MYO9B: variants seen among roughly 807,000 people sequenced by gnomAD.
MYO9B encodes myosin IXB, also known as unconventional myosin-IXb.
A neutral mutation model predicts 229.5 loss-of-function variants in MYO9B; 71 were observed. The observed-to-expected ratio is 0.31, with a 90% CI of 0.26 to 0.38. The LOEUF is 0.38. MYO9B is among the 10% of genes least tolerant of loss of function. The pLI is 1.00. For synonymous variants in MYO9B, 1,185 were observed against 1,235.8 expected (o/e 0.96, Z 0.86); for missense variants, 2,255 against 2,920.5 (o/e 0.77, Z 5.25).
At chr19:17,199,761 C>G (rs2145485116) in intron 24 of MYO9B, among the ~76,000 whole-genome samples, 1 of 145,142 alleles carries the variant, frequency 6.9e-6, no homozygotes, top group South Asian at 2.2e-4. Flanking sequence ...CCAGCCTGGT[C>G]TCAAACTCCT....
chr19:17,175,544 G>A (rs2072777045), intron 13 of MYO9B, 119 bp from the exon 14 acceptor site: 1 of 757,948 alleles, frequency 1.3e-6, no homozygotes, highest in Non-Finnish European at 2.0e-6. Context: ...GCGCCACTGT[G>A]CTCCAGCCTG....
At chr19:17,154,501 GCAAC>G in intron 6 of MYO9B, 86 bp downstream of exon 6, 1 of 1,005,472 alleles carries the variant, frequency 9.9e-7, no homozygotes, top group Non-Finnish European at 1.5e-6. Flanking sequence ...GGTCTAACCT[GCAAC>G]CCAGTGAAAA....
intron 22 of MYO9B, among the ~76,000 whole-genome samples, chr19:17,197,384 G>T (rs1029901807): frequency 6.8e-6 from 1 of 147,118 alleles, no homozygotes; most frequent in African/African-American, 2.6e-5. Flanking sequence ...TGAGTAGAAG[G>T]ATGGATGGAT....
intron 1 of MYO9B, among the ~76,000 whole-genome samples, chr19:17,096,245 C>CT (rs2057687321): frequency 6.6e-6 from 1 of 152,180 alleles, no homozygotes; most frequent in Admixed American, 6.5e-5. Context: ...GTTTGGGACT[C>CT]TCAGAAGTTA....
chr19:17,110,538 G>A (rs2057837998), intron 2 of MYO9B, among the ~76,000 whole-genome samples: 1 of 152,226 alleles, frequency 6.6e-6, no homozygotes, highest in Non-Finnish European at 1.5e-5. Context: ...AGCAGGCTGA[G>A]TCCAGGGGGC....
At chr19:17,099,231 G>A (rs71338610) in intron 1 of MYO9B, 21,161 of 150,050 alleles carry the variant, frequency 0.14, 1,780 homozygotes, top group Non-Finnish European at 0.2. Flanking sequence ...GCCGAGATCC[G>A]CCACTGGACT....
intron 2 of MYO9B, among the ~76,000 whole-genome samples, chr19:17,107,787 G>A (rs2057806402): frequency 6.6e-6 from 1 of 152,220 alleles, no homozygotes; most frequent in Non-Finnish European, 1.5e-5. Flanking sequence ...CTCATGGGAT[G>A]TAGGGCCCAT....
intron 2 of MYO9B, among the ~76,000 whole-genome samples, chr19:17,115,543 A>G (rs2057894293): frequency 1.4e-5 from 2 of 142,432 alleles, no homozygotes; most frequent in Admixed American, 1.5e-4. Flanking sequence ...ATCTCAGTTC[A>G]CTGCAACCTC....
chr19:17,096,087 A>G (rs1039634397), intron 1 of MYO9B, among the ~76,000 whole-genome samples: 20 of 152,064 alleles, frequency 1.3e-4, no homozygotes, highest in African/African-American at 4.3e-4. Context: ...GGCTTCTTTC[A>G]CTCAGCCCAA....
At chr19:17,140,311 G>A (rs745681519) in intron 2 of MYO9B, among the ~76,000 whole-genome samples, 10 of 152,122 alleles carry the variant, frequency 6.6e-5, no homozygotes, top group Non-Finnish European at 8.8e-5. Context: ...TCAGGTGAAG[G>A]CCCTCTTCTT....
At chr19:17,186,054 G>A (rs2072916023) in intron 18 of MYO9B, 53 bp downstream of exon 18, 1 of 1,522,308 alleles carries the variant, frequency 6.6e-7, no homozygotes, top group Non-Finnish European at 9.1e-7. Context: ...GACTCTTAGG[G>A]GTGTCGGTGT....
Position 17,192,932 on chromosome 19 carries a change from G to T in MYO9B, c.2998G>T (p.Glu1000Ter). The stretch of plus-strand genomic sequence containing the variant: ...GTCCTACCGGGTCCGGAGGGCGCTG[G>T]AGAGGACGCAGGCTGCCGTGTACCT... ...WRSYRVRRALERTQAAVYLQA... is the reference protein window; with the variant it reads ...WRSYRVRRAL Residue 1000 changes from glutamate (E) to a stop codon, truncating the protein, a stop_gained, in exon 21 of 40, where the codon GAG becomes TAG. Transcript: ENST00000682292. LOFTEE classifies it high-confidence loss of function. 1 of 1,548,718 alleles carries T rather than the reference G, an allele frequency of 6.5e-7. No homozygotes were observed.
chr19:17,116,792 G>A (rs2057908516), intron 2 of MYO9B, among the ~76,000 whole-genome samples: 1 of 152,134 alleles, frequency 6.6e-6, no homozygotes, highest in Admixed American at 6.5e-5. Flanking sequence ...GTGCCCTACA[G>A]CTGAGTGCTG....
intron 15 of MYO9B, among the ~76,000 whole-genome samples, chr19:17,181,565 G>A (rs145497326): frequency 1.2e-3 from 177 of 152,286 alleles, no homozygotes; most frequent in African/African-American, 3.4e-3. Context: ...CCTGCAAATG[G>A]GGTAATGACT....
chr19:17,172,269 G>T lies in MYO9B; in HGVS notation c.1794-67G>T. ...CACCTCGTGCACCAGGGGTCTGCAA[G>T]ATAAAATACACAGCAGGTAAATCAG... On this transcript the variant is annotated intron_variant, in intron 11 of 39. Transcript: ENST00000682292. The surrounding 1 kb of genome is among the most constrained non-coding windows in gnomAD (Gnocchi z 8.2). 4 of 1,586,978 alleles carry T rather than the reference G, an allele frequency of 2.5e-6. No homozygotes were observed. Among genetic ancestry groups the T allele is most frequent in the Non-Finnish European group, 2.6e-6 (3 of 1,164,998 alleles).
At chr19:17,083,482 G>A (rs1298564338) in intron 1 of MYO9B, among the ~76,000 whole-genome samples, 1 of 152,116 alleles carries the variant, frequency 6.6e-6, no homozygotes, top group Non-Finnish European at 1.5e-5. Context: ...AGCACCCCCT[G>A]CTCTGTGTCT....
chr19:17,211,898 C>T lies in MYO9B; in HGVS notation c.6062C>T (p.Pro2021Leu), dbSNP rs1195487754. The stretch of plus-strand genomic sequence containing the variant: ...CCTGCCATCTGTCTCTCAAAAGGGC[C>T]CCCTGCGCCTGCTCTCCCTTGCCCC... ...ERAGRGASEGPPAPALPCPGA... is the reference protein window; with the variant it reads ...ERAGRGASEGLPAPALPCPGA... Residue 2021 changes from proline (P) to leucine (L), a missense_variant, in exon 40 of 40, where the codon CCC becomes CTC. By Grantham distance (98) the Pro-to-Leu change is moderately conservative (BLOSUM62 -3). Transcript: ENST00000682292. 5.7e-6 allele frequency: 9 copies of T among 1,580,274 alleles called. No individual in the cohort carries two copies. Among genetic ancestry groups the T allele is most frequent in the African/African-American group, 2.7e-5 (2 of 74,246 alleles).
intron 18 of MYO9B, 58 bp from the exon 19 acceptor site, chr19:17,187,877 A>C: frequency 1.4e-6 from 2 of 1,438,684 alleles, no homozygotes; most frequent in Non-Finnish European, 1.9e-6. Flanking sequence ...CCAGCAACAG[A>C]CTTGGGCATC....
intron 6 of MYO9B, among the ~76,000 whole-genome samples, chr19:17,156,398 G>C (rs1028698815): frequency 6.6e-6 from 1 of 151,984 alleles, no homozygotes; most frequent in African/African-American, 2.4e-5. Flanking sequence ...CTGGGTGACA[G>C]AGTGAGACCC....
Sources: gnomAD v4.1 joint callset for allele counts (sites outside exome capture counted in the v4.1 genomes callset) on GRCh38, gnomAD v4.1.1 for gene constraint, Gnocchi (gnomAD v3.1) non-coding constraint, MANE v1.5 for transcripts, NCBI Gene and HGNC (gene_info 2026-07-23, HGNC 2026-07-21) for gene names.